The following PRKG1 variants were observed in gnomAD, a reference collection of about 807,000 sequenced individuals.
PRKG1 encodes the protein cGMP-dependent protein kinase 1.
In PRKG1, 35 loss-of-function variants were observed where a neutral mutation model predicts 88.1. The ratio of observed to expected loss-of-function variants is 0.40; its 90% CI spans 0.30 to 0.53. The LOEUF is 0.53. Ranked by LOEUF, PRKG1 falls within the 20% of genes least tolerant of loss-of-function variation. PRKG1 has a pLI of 0.59. For synonymous variants in PRKG1, 303 were observed against 292.5 expected (o/e 1.04, Z -0.37); for missense variants, 540 against 839.8 (o/e 0.64, Z 4.41).
At chr10:51,770,682 G>A (rs1415531525) in intron 3 of PRKG1, among the ~76,000 whole-genome samples, 1 of 152,162 alleles carries the variant, frequency 6.6e-6, no homozygotes, top group Non-Finnish European at 1.5e-5. Flanking sequence ...AGGGATCTAG[G>A]TTGTGCACTC....
At chr10:52,278,926 A>T (rs1049749515) in intron 12 of PRKG1, among the ~76,000 whole-genome samples, 1 of 151,404 alleles carries the variant, frequency 6.6e-6, no homozygotes, top group African/African-American at 2.4e-5. Context: ...AAAGAACAAG[A>T]TATATAGTTT....
Position 52,161,945 on chromosome 10 carries a change from A to T in PRKG1, c.1058A>T (p.Asp353Val), listed in dbSNP as rs1187984310. The change falls in exon 9 of 18, where the codon GAT (aspartate) becomes GTT (valine). Residue 353 changes from aspartate to valine, a missense_variant. Physicochemically the swap from Asp to Val is radical, Grantham distance 152. Around this residue, in one of 5 missense-constraint regions of PRKG1, gnomAD observed 400 missense variants for 562.7 expected, o/e 0.71. Transcript: ENST00000373980. ...LDDVSNKAYE[D>V]AEAKAKYEAE... ...GATGTTTCTAATAAAGCATATGAAG[A>T]TGCAGAAGCTAAAGCAAAGTAAGTG... 1 of 1,612,226 alleles carries T rather than the reference A, an allele frequency of 6.2e-7. No individual in the cohort carries two copies. Among genetic ancestry groups the T allele is most frequent in the Non-Finnish European group, 8.5e-7 (1 of 1,179,296 alleles).
intron 3 of PRKG1, among the ~76,000 whole-genome samples, chr10:51,742,254 T>G (rs1425512971): frequency 6.6e-6 from 1 of 152,228 alleles, no homozygotes; most frequent in Non-Finnish European, 1.5e-5. Context: ...CTGAATGTCT[T>G]AGTGATTATA....
At chr10:51,819,304 C>CA (rs1839682183) in intron 4 of PRKG1, among the ~76,000 whole-genome samples, 1 of 152,016 alleles carries the variant, frequency 6.6e-6, no homozygotes, top group East Asian at 1.9e-4. Context: ...AAAACTCACT[C>CA]ACCCTTTTCC....
At chr10:52,185,277 C>A (rs997513527) in intron 9 of PRKG1, among the ~76,000 whole-genome samples, 6 of 152,194 alleles carry the variant, frequency 3.9e-5, no homozygotes, top group Admixed American at 3.9e-4. Context: ...CTACAGGCCC[C>A]ACATCAGTCC....
At chr10:52,243,543 C>G (rs778453064) in intron 9 of PRKG1, among the ~76,000 whole-genome samples, 3 of 152,096 alleles carry the variant, frequency 2.0e-5, no homozygotes, top group Non-Finnish European at 4.4e-5. Context: ...AATGGTGACT[C>G]TCTGCTGTCA....
intron 3 of PRKG1, among the ~76,000 whole-genome samples, chr10:51,577,446 T>C (rs534516705): frequency 1.3e-5 from 2 of 152,184 alleles, no homozygotes; most frequent in South Asian, 4.1e-4. Flanking sequence ...TTCTTACAAT[T>C]ATGTGCATTT....
intron 3 of PRKG1, among the ~76,000 whole-genome samples, chr10:51,726,795 G>T (rs1842141928): frequency 1.3e-5 from 2 of 152,104 alleles, no homozygotes; most frequent in South Asian, 2.1e-4. Context: ...TGTTTGTTCT[G>T]AGATGGAGTC....
chr10:51,762,458 C>T (rs567083862), intron 3 of PRKG1, among the ~76,000 whole-genome samples: 23 of 152,246 alleles, frequency 1.5e-4, no homozygotes, highest in African/African-American at 5.3e-4. Context: ...TAGTTGATTT[C>T]TTTCAAAGGT....
chr10:52,183,574 G>A (rs551935342), intron 9 of PRKG1, among the ~76,000 whole-genome samples: 1 of 152,284 alleles, frequency 6.6e-6, no homozygotes, highest in South Asian at 2.1e-4. Flanking sequence ...CTGGGCCTAG[G>A]CTCTTCACAG....
Position 52,201,111 on chromosome 10 carries a change from G to A in PRKG1, c.1076+39148G>A, listed in dbSNP as rs1475243023. On this transcript the variant is annotated intron_variant, in intron 9 of 17. Coordinates refer to ENST00000373980, the MANE Select transcript of PRKG1 (RefSeq NM_006258.4). ...TGTTGCAATTACTTTTGGTGCCTTC[G>A]TTATGAAATCTTTGCCAGTGCCTAT... Among the ~76,000 whole-genome samples, 6 of 151,992 alleles carry A rather than the reference G, an allele frequency of 3.9e-5. No homozygotes were observed. In the East Asian group the frequency reaches 7.7e-4, roughly 20 times the overall value.
At chr10:51,686,737 C>A (rs1036955993) in intron 3 of PRKG1, among the ~76,000 whole-genome samples, 16 of 152,122 alleles carry the variant, frequency 1.1e-4, no homozygotes, top group African/African-American at 3.6e-4. Flanking sequence ...TCTTTACAAC[C>A]TTTTTTGTTT....
intron 4 of PRKG1, among the ~76,000 whole-genome samples, chr10:51,829,467 T>TA (rs1318528035): frequency 8.5e-5 from 13 of 152,152 alleles, no homozygotes; most frequent in African/African-American, 2.2e-4. Context: ...TTGCAGAAGA[T>TA]AAAATCTATG....
At chr10:51,894,238 C>T (rs1841788429) in intron 4 of PRKG1, among the ~76,000 whole-genome samples, 2 of 152,136 alleles carry the variant, frequency 1.3e-5, no homozygotes, top group South Asian at 4.1e-4. Flanking sequence ...TCTTCCTGCA[C>T]GTTAAAATTA....
At chr10:51,721,755 T>C (rs1268903224) in intron 3 of PRKG1, among the ~76,000 whole-genome samples, 2 of 48,520 alleles carry the variant, frequency 4.1e-5, no homozygotes, top group Non-Finnish European at 1.2e-4. Flanking sequence ...TATATTTTCA[T>C]GTTCCTGTGT....
intron 1 of PRKG1, among the ~76,000 whole-genome samples, chr10:51,033,335 C>T (rs1036629167): frequency 6.6e-6 from 1 of 152,258 alleles, no homozygotes; most frequent in Admixed American, 6.5e-5. Context: ...GCTTACTGGG[C>T]AAGCCATTAC....
intron 7 of PRKG1, among the ~76,000 whole-genome samples, chr10:52,111,227 G>A (rs900658600): frequency 6.6e-6 from 1 of 152,210 alleles, no homozygotes; most frequent in Non-Finnish European, 1.5e-5. Flanking sequence ...GGTAGGGAAA[G>A]TATTTTGGAG....
chr10:51,580,738 C>T (rs1838010516), intron 3 of PRKG1, among the ~76,000 whole-genome samples: 1 of 151,874 alleles, frequency 6.6e-6, no homozygotes, highest in South Asian at 2.1e-4. Flanking sequence ...TATTATGCAA[C>T]TATGCTTTTT....
chr10:51,814,069 A>T (rs1483582375), intron 4 of PRKG1, among the ~76,000 whole-genome samples: 1 of 152,200 alleles, frequency 6.6e-6, no homozygotes, highest in Non-Finnish European at 1.5e-5. Flanking sequence ...TCTTCTGCAG[A>T]CATTCAGACA....
Sources: allele counts gnomAD v4.1 joint callset (sites outside exome capture counted in the v4.1 genomes callset), GRCh38; gene constraint gnomAD v4.1.1; regional missense constraint gnomAD v4.1.1; transcripts MANE v1.5; gene names NCBI Gene and HGNC (gene_info 2026-07-23, HGNC 2026-07-21).